TTC27: variants seen among roughly 807,000 people sequenced by gnomAD.
TTC27 encodes tetratricopeptide repeat protein 27.
Under a neutral mutation model 115.9 loss-of-function variants are expected in TTC27, and 79 were observed. That is an observed-to-expected ratio of 0.68 (90% CI 0.57 to 0.82). The LOEUF is 0.82. Ranked by LOEUF, TTC27 falls within the 40% of genes least tolerant of loss-of-function variation. TTC27 has a pLI of 0.00. For synonymous variants in TTC27, 401 were observed against 356.0 expected (o/e 1.13, Z -1.42); for missense variants, 1,054 against 993.1 (o/e 1.06, Z -0.82).
intron 16 of TTC27, among the ~76,000 whole-genome samples, chr2:32,797,840 G>T (rs1028023815): frequency 6.6e-6 from 1 of 152,078 alleles, no homozygotes; most frequent in Non-Finnish European, 1.5e-5. Flanking sequence ...CAGAATGGAA[G>T]AAAATATTTG....
At chr2:32,751,297 CACACAT>C (rs1331459580) in intron 12 of TTC27, among the ~76,000 whole-genome samples, 9 of 148,728 alleles carry the variant, frequency 6.1e-5, no homozygotes, top group East Asian at 5.9e-4. Context: ...CACACACACA[CACACAT>C]GCACACACAT....
At chr2:32,758,152 G>C (rs773605348) in intron 12 of TTC27, 140 bp from the exon 13 acceptor site, 1 of 728,702 alleles carries the variant, frequency 1.4e-6, no homozygotes, top group African/African-American at 1.8e-5. Flanking sequence ...CTCAACCTGT[G>C]TCCTTGATAG....
At chr2:32,654,732 G>C (rs1233107593) in intron 5 of TTC27, among the ~76,000 whole-genome samples, 18 of 148,916 alleles carry the variant, frequency 1.2e-4, no homozygotes, top group East Asian at 5.9e-4. Context: ...GTCTCGCTCT[G>C]TTGCCCAGGC....
At chr2:32,676,621 G>A (rs1278497875) in intron 8 of TTC27, among the ~76,000 whole-genome samples, 1 of 151,218 alleles carries the variant, frequency 6.6e-6, no homozygotes, top group Non-Finnish European at 1.5e-5. Context: ...CTCCTGAGTA[G>A]CTGGGATTAT....
At chr2:32,814,752 G>A (rs939154000) in intron 18 of TTC27, among the ~76,000 whole-genome samples, 1 of 152,160 alleles carries the variant, frequency 6.6e-6, no homozygotes, top group Non-Finnish European at 1.5e-5. Context: ...GCTGTACAGG[G>A]TTGTAGCCTA....
chr2:32,802,210 C>A lies in TTC27; in HGVS notation c.1999-8814C>A, dbSNP rs570444138. Among the ~76,000 whole-genome samples, 8 of 152,188 alleles carry A rather than the reference C, an allele frequency of 5.3e-5. No individual in the cohort carries two copies. The South Asian group carries it at 1.7e-3, about 32-fold the overall frequency. On this transcript the variant is annotated intron_variant, in intron 16 of 19. Transcript: ENST00000317907. Reference sequence around the variant, plus strand: ...AGGCAAGTGGGCCTTTGCTTATAAACATCATGGATTAAAATTTACCTTTAT... The same window carrying A: ...AGGCAAGTGGGCCTTTGCTTATAAAAATCATGGATTAAAATTTACCTTTAT...
chr2:32,819,133 A>T (rs576696179), intron 19 of TTC27, among the ~76,000 whole-genome samples: 1 of 152,328 alleles, frequency 6.6e-6, no homozygotes, highest in Non-Finnish European at 1.5e-5. Flanking sequence ...TCTTCAGGGT[A>T]TACTGTGGCT....
chr2:32,815,989 A>C (rs1671489215), intron 18 of TTC27, among the ~76,000 whole-genome samples: 1 of 152,204 alleles, frequency 6.6e-6, no homozygotes, highest in Non-Finnish European at 1.5e-5. Flanking sequence ...AGGCACAGGC[A>C]GCCTCTACCG....
intron 10 of TTC27, among the ~76,000 whole-genome samples, chr2:32,721,634 T>C (rs1378330440): frequency 6.6e-6 from 1 of 151,402 alleles, no homozygotes; most frequent in African/African-American, 2.4e-5. Context: ...TTTTTTTTTT[T>C]TTTCTTTTAG....
At chr2:32,642,761 G>A (rs542949959) in intron 4 of TTC27, among the ~76,000 whole-genome samples, 6 of 151,098 alleles carry the variant, frequency 4.0e-5, no homozygotes, top group South Asian at 2.1e-4. Context: ...TCCACCTCCT[G>A]GGCTGAAGCC....
intron 9 of TTC27, among the ~76,000 whole-genome samples, chr2:32,702,325 G>A (rs1667213985): frequency 6.6e-6 from 1 of 151,654 alleles, no homozygotes; most frequent in African/African-American, 2.4e-5. Flanking sequence ...TGTCATCAAA[G>A]AGAGTTTACA....
At chr2:32,740,532 G>C (rs1668596921) in intron 12 of TTC27, among the ~76,000 whole-genome samples, 1 of 151,306 alleles carries the variant, frequency 6.6e-6, no homozygotes, top group South Asian at 2.1e-4. Context: ...ACTATAGCCA[G>C]AATAGTCTTC....
chr2:32,811,004 T>C lies in TTC27; in HGVS notation c.1999-20T>C, dbSNP rs776452065. 6.2e-7 allele frequency: 1 copy of C among 1,613,490 alleles called. No homozygotes were observed. Among genetic ancestry groups the C allele is most frequent in the East Asian group, 2.2e-5 (1 of 44,878 alleles). ...GTTTGTTGGTTTCTAACTTACCAGT[T>C]TGTTCTGTGCATTTTTAAGGTCCTT... On this transcript the variant is annotated intron_variant, in intron 16 of 19. Transcript: ENST00000317907.
At chr2:32,710,688 C>G (rs1176801840) in intron 10 of TTC27, among the ~76,000 whole-genome samples, 1 of 151,950 alleles carries the variant, frequency 6.6e-6, no homozygotes, top group Non-Finnish European at 1.5e-5. Flanking sequence ...CTCAGCCTCC[C>G]AAAGTGCTGG....
chr2:32,712,281 G>A (rs961331891), intron 10 of TTC27, among the ~76,000 whole-genome samples: 1 of 152,130 alleles, frequency 6.6e-6, no homozygotes, highest in Non-Finnish European at 1.5e-5. Flanking sequence ...TCCAAGTCGA[G>A]GACAATCTAT....
intron 17 of TTC27, among the ~76,000 whole-genome samples, 191 bp downstream of exon 17, chr2:32,811,412 T>C (rs941510842): frequency 1.3e-5 from 2 of 152,200 alleles, no homozygotes; most frequent in South Asian, 2.1e-4. Context: ...AACATTCATC[T>C]TTTTATTTAC....
intron 18 of TTC27, among the ~76,000 whole-genome samples, chr2:32,814,204 CAAAG>C (rs1671415135): frequency 6.6e-6 from 1 of 152,144 alleles, no homozygotes; most frequent in South Asian, 2.1e-4. Flanking sequence ...TTAAACCTGT[CAAAG>C]AGAGATATGC....
intron 15 of TTC27, 112 bp from the exon 16 acceptor site, chr2:32,786,872 A>G (rs1427437755): frequency 2.1e-6 from 2 of 946,774 alleles, no homozygotes; most frequent in South Asian, 4.2e-5. Flanking sequence ...GTTTGTTTAT[A>G]TGAACGAATA....
At chr2:32,644,668 A>G (rs905980490) in intron 4 of TTC27, among the ~76,000 whole-genome samples, 3 of 151,952 alleles carry the variant, frequency 2.0e-5, no homozygotes, top group Middle Eastern at 3.4e-3. Flanking sequence ...GCCTCAAGTG[A>G]TCCTCCCACC....
Sources: gnomAD v4.1 joint callset for allele counts (sites outside exome capture counted in the v4.1 genomes callset) on GRCh38, gnomAD v4.1.1 for gene constraint, MANE v1.5 for transcripts, NCBI Gene and HGNC (gene_info 2026-07-23, HGNC 2026-07-21) for gene names.